TFEC: variants seen among roughly 807,000 people sequenced by gnomAD.
TFEC encodes the protein transcription factor EC, also known as class E basic helix-loop-helix protein 34.
TFEC carries 31 observed loss-of-function variants against 41.6 expected under a neutral mutation model. That is an observed-to-expected ratio of 0.74 (90% CI 0.56 to 1.01). The LOEUF is 1.01. Among genes scored for constraint, TFEC ranks in the 50% least tolerant of loss-of-function variants. TFEC has a pLI of 0.00. For missense variants in TFEC, 402 were observed against 404.1 expected (o/e 0.99, Z 0.04); for synonymous variants, 143 against 140.6 (o/e 1.02, Z -0.12).
intron 1 of TFEC, among the ~76,000 whole-genome samples, chr7:116,125,592 C>T (rs1407620013): frequency 2.0e-5 from 3 of 151,890 alleles, no homozygotes; most frequent in South Asian, 2.1e-4. Flanking sequence ...GTAATGTTGG[C>T]GGAATGTATG....
At chr7:116,127,686 A>C (rs1329390528) in intron 1 of TFEC, among the ~76,000 whole-genome samples, 2 of 120,026 alleles carry the variant, frequency 1.7e-5, no homozygotes, top group African/African-American at 7.0e-5. Context: ...AGTGAGAGTC[A>C]GTGTCAAAAA....
At chr7:115,964,685 T>C (rs1792752478) in intron 3 of TFEC, among the ~76,000 whole-genome samples, 2 of 151,710 alleles carry the variant, frequency 1.3e-5, no homozygotes, top group East Asian at 3.9e-4. Flanking sequence ...ATAAATAATA[T>C]GTCTGAAACT....
intron 3 of TFEC, among the ~76,000 whole-genome samples, chr7:116,106,710 C>A (rs1797726406): frequency 6.6e-6 from 1 of 152,044 alleles, no homozygotes; most frequent in Admixed American, 6.6e-5. Context: ...TCAAAGTGGG[C>A]AGTACCTTCA....
At chr7:116,133,155 G>C (rs1189634963) in intron 1 of TFEC, among the ~76,000 whole-genome samples, 1 of 152,174 alleles carries the variant, frequency 6.6e-6, no homozygotes, top group Non-Finnish European at 1.5e-5. Flanking sequence ...ATGACAAAGA[G>C]TGATTTAATT....
At chr7:115,957,298 C>T (rs1182098647) in intron 3 of TFEC, among the ~76,000 whole-genome samples, 1 of 151,836 alleles carries the variant, frequency 6.6e-6, no homozygotes, top group Non-Finnish European at 1.5e-5. Flanking sequence ...AAATGAGAAA[C>T]TCTTCCCTTC....
chr7:116,151,036 A>G (rs1798749801), intron 1 of TFEC, among the ~76,000 whole-genome samples: 1 of 152,092 alleles, frequency 6.6e-6, no homozygotes, highest in Admixed American at 6.5e-5. Flanking sequence ...CAGTATTCTC[A>G]TTGGTCTCCT....
chr7:116,028,475 C>T (rs1795667027), intron 1 of TFEC, among the ~76,000 whole-genome samples: 1 of 152,162 alleles, frequency 6.6e-6, no homozygotes, highest in African/African-American at 2.4e-5. Flanking sequence ...ATTGTCATTC[C>T]TACTGCTCTA....
At chr7:116,098,541 C>A (rs1333627107) in intron 3 of TFEC, among the ~76,000 whole-genome samples, 1 of 151,664 alleles carries the variant, frequency 6.6e-6, no homozygotes, top group East Asian at 1.9e-4. Flanking sequence ...TGTACATGCA[C>A]CAAACAACAG....
At chr7:115,967,423 C>A (rs1003533592) in intron 3 of TFEC, among the ~76,000 whole-genome samples, 6 of 151,514 alleles carry the variant, frequency 4.0e-5, no homozygotes, top group African/African-American at 1.5e-4. Context: ...TGTAGGAGAG[C>A]CTAGAGTGCA....
chr7:116,144,016 G>A (rs373276312), intron 1 of TFEC, among the ~76,000 whole-genome samples: 47 of 151,980 alleles, frequency 3.1e-4, no homozygotes, highest in African/African-American at 1.1e-3. Context: ...TCAGGAGATC[G>A]AGACCATCCT....
chr7:116,045,925 T>C (rs1209893714), intron 3 of TFEC, among the ~76,000 whole-genome samples: 1 of 152,190 alleles, frequency 6.6e-6, no homozygotes, highest in Admixed American at 6.5e-5. Context: ...GGAGATTATT[T>C]TGGAACTTTT....
chr7:116,143,686 A>G (rs888550207), intron 1 of TFEC, among the ~76,000 whole-genome samples: 1 of 152,166 alleles, frequency 6.6e-6, no homozygotes, highest in Non-Finnish European at 1.5e-5. Context: ...GCAATTAGAA[A>G]AGGATCTGGG....
chr7:116,158,580 A>C (rs906178736), intron 1 of TFEC, among the ~76,000 whole-genome samples: 3 of 152,080 alleles, frequency 2.0e-5, no homozygotes, highest in Non-Finnish European at 2.9e-5. Flanking sequence ...AAATAGCGAA[A>C]AGTGTGCTGA....
intron 3 of TFEC, among the ~76,000 whole-genome samples, chr7:116,107,643 C>G (rs1173911293): frequency 6.6e-6 from 1 of 152,118 alleles, no homozygotes; most frequent in Non-Finnish European, 1.5e-5. Flanking sequence ...TAGCAGCCAA[C>G]AAATTCTCTC....
chr7:116,086,825 A>C (rs1443168230), intron 3 of TFEC, among the ~76,000 whole-genome samples: 1 of 151,948 alleles, frequency 6.6e-6, no homozygotes, highest in Non-Finnish European at 1.5e-5. Flanking sequence ...AATAGAATGG[A>C]AATTGTATAA....
chr7:115,995,018 TA>T (rs898630859), intron 1 of TFEC, among the ~76,000 whole-genome samples: 1 of 151,928 alleles, frequency 6.6e-6, no homozygotes, highest in South Asian at 2.1e-4. Flanking sequence ...TATGCAGCCA[TA>T]AAAAAGGATG....
At chr7:115,977,870 T>C (rs972519751) in intron 2 of TFEC, among the ~76,000 whole-genome samples, 1 of 150,306 alleles carries the variant, frequency 6.7e-6, no homozygotes, top group African/African-American at 2.5e-5. Flanking sequence ...TAAGAGTATG[T>C]CATATATAAT....
chr7:115,991,823 C>A (rs973729802), intron 1 of TFEC, among the ~76,000 whole-genome samples: 1 of 152,116 alleles, frequency 6.6e-6, no homozygotes, highest in South Asian at 2.1e-4. Flanking sequence ...ACAAGGATAT[C>A]CAGGAATTGA....
chr7:116,083,327 C>A (rs1434924029), intron 3 of TFEC, among the ~76,000 whole-genome samples: 1 of 151,500 alleles, frequency 6.6e-6, no homozygotes, highest in South Asian at 2.1e-4. Flanking sequence ...ACATAAGAAC[C>A]AAACAAAAAT....
Sources: allele counts gnomAD v4.1 joint callset (sites outside exome capture counted in the v4.1 genomes callset), GRCh38; gene constraint gnomAD v4.1.1; transcripts MANE v1.5; gene names NCBI Gene and HGNC (gene_info 2026-07-23, HGNC 2026-07-21).